GAS7: variants seen among roughly 807,000 people sequenced by gnomAD.
The protein encoded by GAS7 is growth arrest specific 7.
Under a neutral mutation model 71.1 loss-of-function variants are expected in GAS7, and 28 were observed. The ratio of observed to expected loss-of-function variants is 0.39; its 90% CI spans 0.29 to 0.54. The LOEUF is 0.54. Ranked by LOEUF, GAS7 falls within the 20% of genes least tolerant of loss-of-function variation. GAS7 has a pLI of 0.62. For missense variants in GAS7, 436 were observed against 627.8 expected (o/e 0.69, Z 3.27); for synonymous variants, 258 against 245.8 (o/e 1.05, Z -0.46).
chr17:10,135,058 C>CT (rs1169270025), intron 1 of GAS7, among the ~76,000 whole-genome samples: 6 of 152,084 alleles, frequency 3.9e-5, no homozygotes, highest in Non-Finnish European at 8.8e-5. Context: ...GTCTTGATGT[C>CT]TTGACTTTGT....
At position 9,911,532 on chromosome 17, in the gene GAS7, C is replaced by T. The variant is rs558617736; in HGVS notation, c.*5696G>A. 2.1e-4 allele frequency: 50 copies of T among 233,392 alleles called. No homozygotes were observed. The highest frequency in any genetic ancestry group is 3.8e-4 in the Non-Finnish European group (45 of 118,176). The allele number at this position is 233,392 out of a possible 1,614,324, so 14.5% of individuals were successfully genotyped here. On this transcript the variant is annotated 3_prime_UTR_variant, in exon 14 of 14. Coordinates refer to ENST00000432992, the MANE Select transcript of GAS7 (RefSeq NM_201433.2). The surrounding 1 kb of genome is among the most constrained non-coding windows in gnomAD (Gnocchi z 4.0). ...CCTCCCAGGAAGCCCTCCTGACAGC[C>T]ATGCCCCAGCATTTAGAACGTGGGG...
At chr17:10,162,077 A>AAAAT in intron 1 of GAS7, among the ~76,000 whole-genome samples, 1 of 151,462 alleles carries the variant, frequency 6.6e-6, no homozygotes. Flanking sequence ...AAAAAAAAAA[A>AAAAT]AAAAAAAAAA....
intron 1 of GAS7, among the ~76,000 whole-genome samples, chr17:10,118,710 A>AG (rs2073882324): frequency 6.8e-6 from 1 of 146,988 alleles, no homozygotes; most frequent in Non-Finnish European, 1.5e-5. Context: ...TCTCCAAAAA[A>AG]AAAAAAAAAA....
At chr17:10,197,071 T>C (rs1435918196) in intron 1 of GAS7, among the ~76,000 whole-genome samples, 1 of 152,194 alleles carries the variant, frequency 6.6e-6, no homozygotes, top group Non-Finnish European at 1.5e-5. Context: ...GAAAGCAATC[T>C]AATGTACTTT....
chr17:10,126,473 C>T (rs1020296138), intron 1 of GAS7, among the ~76,000 whole-genome samples: 6 of 151,590 alleles, frequency 4.0e-5, no homozygotes, highest in Admixed American at 2.6e-4. Context: ...CATGCACACA[C>T]GCACACTCAC....
chr17:10,149,844 A>G (rs1356987530), intron 1 of GAS7, among the ~76,000 whole-genome samples: 1 of 152,236 alleles, frequency 6.6e-6, no homozygotes, highest in Non-Finnish European at 1.5e-5. Context: ...GCCAGACACA[A>G]AAGGCCAGAT....
At chr17:10,089,958 G>T (rs774460332) in intron 1 of GAS7, among the ~76,000 whole-genome samples, 1 of 152,010 alleles carries the variant, frequency 6.6e-6, no homozygotes, top group Non-Finnish European at 1.5e-5. Flanking sequence ...ACTTGAGGCC[G>T]GGAGTTCGAG....
intron 5 of GAS7, among the ~76,000 whole-genome samples, chr17:9,952,043 G>C (rs1376737570): frequency 6.6e-6 from 1 of 152,150 alleles, no homozygotes; most frequent in Non-Finnish European, 1.5e-5. Flanking sequence ...AAAAGGCCAT[G>C]GAAGTCCTGA....
At chr17:10,163,045 CA>C (rs1160957343) in intron 1 of GAS7, among the ~76,000 whole-genome samples, 2 of 151,888 alleles carry the variant, frequency 1.3e-5, no homozygotes, top group African/African-American at 4.8e-5. Context: ...AAAAGGACAA[CA>C]AAAAAATATT....
At chr17:10,021,940 T>TG (rs1383692952) in intron 1 of GAS7, among the ~76,000 whole-genome samples, 22 of 151,810 alleles carry the variant, frequency 1.4e-4, no homozygotes, top group African/African-American at 5.3e-4. Flanking sequence ...AAAGTCGGCA[T>TG]GGGTGGGGGG....
intron 1 of GAS7, among the ~76,000 whole-genome samples, chr17:10,177,796 A>G (rs1215668770): frequency 1.3e-5 from 2 of 152,170 alleles, no homozygotes; most frequent in African/African-American, 4.8e-5. Context: ...AGTCTTGATG[A>G]TTTGCAGTGA....
chr17:10,197,387 G>C (rs889984596), intron 1 of GAS7, among the ~76,000 whole-genome samples: 1 of 140,346 alleles, frequency 7.1e-6, no homozygotes, highest in Admixed American at 7.3e-5. Flanking sequence ...TAGTAAAGGG[G>C]ATGTCCTGGA....
At chr17:10,096,480 C>A (rs769403478) in intron 1 of GAS7, among the ~76,000 whole-genome samples, 8 of 152,148 alleles carry the variant, frequency 5.3e-5, no homozygotes, top group Non-Finnish European at 2.9e-5. Context: ...TGTGGTAAGC[C>A]AATGAGGAAT....
rs1374902541 is a variant in GAS7 at position 9,974,625 on chromosome 17, A to C, written c.386-4863T>G. ...GCAGCTTCAAATATAAATAATACAC[A>C]CAGGCACCCACACACTTCATTTCCC... is the stretch of plus-strand genomic sequence containing the variant. On this transcript the variant is annotated intron_variant, in intron 3 of 13. Coordinates refer to ENST00000432992, the MANE Select transcript of GAS7 (RefSeq NM_201433.2). This position sits in a 1 kb window ranked among gnomAD's most constrained non-coding sequence, Gnocchi z 4.0. Among the ~76,000 whole-genome samples the C allele has an allele frequency of 6.6e-6, 1 of 152,182 alleles. No individual in the cohort carries two copies. The highest frequency in any genetic ancestry group is 2.4e-5 in the African/African-American group (1 of 41,438).
Position 10,030,772 on chromosome 17 carries a change from T to C in GAS7, c.184-10875A>G, listed in dbSNP as rs985175667. ...TGTCCTCAGGCCTCACTACTTGGTG[T>C]AGATAGATGAATGGGGTGACAATGT... On this transcript the variant is annotated intron_variant, in intron 1 of 13. Transcript: ENST00000432992. 3.9e-5 allele frequency among the ~76,000 whole-genome samples: 6 copies of C among 152,272 alleles called. 1 individual carries two copies. Among genetic ancestry groups the C allele is most frequent in the Admixed American group, 6.5e-5 (1 of 15,298 alleles).
intron 2 of GAS7, among the ~76,000 whole-genome samples, chr17:9,982,367 G>A (rs1304574089): frequency 6.6e-6 from 1 of 152,166 alleles, no homozygotes; most frequent in East Asian, 1.9e-4. Context: ...CTGCCACCTG[G>A]TGGTGACTTC....
At chr17:10,094,959 G>T (rs1477670240) in intron 1 of GAS7, among the ~76,000 whole-genome samples, 1 of 152,094 alleles carries the variant, frequency 6.6e-6, no homozygotes, top group East Asian at 1.9e-4. Flanking sequence ...TCCGCAATAT[G>T]ATTTCCACCC....
intron 1 of GAS7, among the ~76,000 whole-genome samples, chr17:10,046,038 G>A (rs1055842295): frequency 5.9e-5 from 9 of 152,028 alleles, no homozygotes; most frequent in Admixed American, 2.0e-4. Context: ...ATTATCTCAC[G>A]GATCCTTAGT....
At chr17:10,156,233 C>T (rs1354610047) in intron 1 of GAS7, among the ~76,000 whole-genome samples, 1 of 152,168 alleles carries the variant, frequency 6.6e-6, no homozygotes, top group Non-Finnish European at 1.5e-5. Flanking sequence ...TTCTGGCATT[C>T]CACCTCCTAA....
Sources: gnomAD v4.1 joint callset for allele counts (sites outside exome capture counted in the v4.1 genomes callset) on GRCh38, gnomAD v4.1.1 for gene constraint, Gnocchi (gnomAD v3.1) non-coding constraint, MANE v1.5 for transcripts, NCBI Gene and HGNC (gene_info 2026-07-23, HGNC 2026-07-21) for gene names.